Variants in HMGB1 observed in about 807,000 individuals in gnomAD.
The protein encoded by HMGB1 is high mobility group box 1, also known as high mobility group protein B1.
For missense variants in HMGB1, 79 were observed against 253.5 expected (o/e 0.31, Z 4.67); for synonymous variants, 81 against 84.0 (o/e 0.96, Z 0.19).
At chr13:30,586,019 C>T (rs529247161) in intron 1 of HMGB1, among the ~76,000 whole-genome samples, 15 of 152,270 alleles carry the variant, frequency 9.9e-5, no homozygotes, top group Admixed American at 5.2e-4. Flanking sequence ...CCATCAATGA[C>T]GTTCATGCTG....
chr13:30,458,209 G>A lies in HMGB1; in HGVS notation c.*3148C>T, dbSNP rs951304018. The A allele has an allele frequency of 6.6e-6, 1 of 151,966 alleles. No homozygotes were observed. The highest frequency in any genetic ancestry group is 2.4e-5 in the African/African-American group (1 of 41,330). 9.4% of individuals were successfully genotyped at this position (151,966 alleles called of 1,614,324 possible). On this transcript the variant is annotated 3_prime_UTR_variant, in exon 5 of 5. Transcript: ENST00000341423. ...AGACCTAAATGTGAACTTTCATCAA[G>A]GACCTTTTTAGGAGGCGTATTGTAC...
At chr13:30,543,117 GTT>G (rs141061407) in intron 1 of HMGB1, 41,361 of 83,884 alleles carry the variant, frequency 0.49, 11,156 homozygotes, top group Non-Finnish European at 0.57. Context: ...CCTGTTCCAG[GTT>G]TTTTTTTTTT....
At chr13:30,604,161 G>A (rs1950431230) in intron 1 of HMGB1, among the ~76,000 whole-genome samples, 1 of 151,736 alleles carries the variant, frequency 6.6e-6, no homozygotes, top group Non-Finnish European at 1.5e-5. Flanking sequence ...TGGGGGGTGG[G>A]TGGGTCAGGT....
chr13:30,578,288 T>C (rs1870745657), intron 1 of HMGB1, among the ~76,000 whole-genome samples: 2 of 151,492 alleles, frequency 1.3e-5, no homozygotes, highest in Non-Finnish European at 2.9e-5. Context: ...CACTTAACCA[T>C]TATCATACTG....
rs572576052 is a variant in HMGB1 at position 30,569,349 on chromosome 13, T to C, written c.-15+47322A>G. On this transcript the variant is annotated intron_variant, in intron 1 of 4. Coordinates refer to the HMGB1 transcript ENST00000405805. ...TTTCTCATTCCATAACTAGAGATTA[T>C]GTCTTTATATCCTGTCAAAAAAGTG... Among the ~76,000 whole-genome samples the C allele has an allele frequency of 3.9e-5, 6 of 152,366 alleles. No individual in the cohort carries two copies. The East Asian group carries it at 1.2e-3, about 29-fold the overall frequency.
chr13:30,461,599 T>A, intron 4 of HMGB1, 66 bp from the exon 5 acceptor site: 1 of 1,572,616 alleles, frequency 6.4e-7, no homozygotes, highest in East Asian at 2.3e-5. Context: ...AAATAGAACA[T>A]GGCAGAACTT....
At chr13:30,611,733 C>T (rs974866509) in intron 1 of HMGB1, among the ~76,000 whole-genome samples, 1 of 151,804 alleles carries the variant, frequency 6.6e-6, no homozygotes, top group African/African-American at 2.4e-5. Flanking sequence ...TTGTATTCTC[C>T]CTGCATTTAT....
intron 1 of HMGB1, among the ~76,000 whole-genome samples, chr13:30,502,938 G>A (rs866733326): frequency 6.6e-6 from 1 of 152,028 alleles, no homozygotes; most frequent in Non-Finnish European, 1.5e-5. Flanking sequence ...CCAAAGTGCT[G>A]GGATTGCAGG....
At chr13:30,465,319 C>G (rs1886707375) in intron 1 of HMGB1, 1 of 138,142 alleles carries the variant, frequency 7.2e-6, no homozygotes, top group Admixed American at 7.0e-5. Context: ...TGGCCGCGCT[C>G]CCCGCCAGCG....
chr13:30,474,539 A>C (rs1887021308), intron 1 of HMGB1, among the ~76,000 whole-genome samples: 2 of 152,230 alleles, frequency 1.3e-5, no homozygotes, highest in South Asian at 4.1e-4. Flanking sequence ...TAGGACTGAC[A>C]GCGTAAACTG....
At chr13:30,553,978 A>G in intron 1 of HMGB1, 1 of 1,489,320 alleles carries the variant, frequency 6.7e-7, no homozygotes, top group Non-Finnish European at 9.3e-7. Flanking sequence ...ACGGTTTGGC[A>G]GCAGAAGACC....
intron 1 of HMGB1, among the ~76,000 whole-genome samples, chr13:30,615,555 G>T (rs1950552501): frequency 6.6e-6 from 1 of 152,294 alleles, no homozygotes; most frequent in African/African-American, 2.4e-5. Context: ...CCAAGCTTAA[G>T]AAGTTTTTGG....
intron 1 of HMGB1, among the ~76,000 whole-genome samples, chr13:30,581,138 G>T (rs779499428): frequency 6.6e-6 from 1 of 152,082 alleles, no homozygotes; most frequent in Non-Finnish European, 1.5e-5. Flanking sequence ...AGGTCTACCT[G>T]CCTAATACAA....
chr13:30,599,689 G>A (rs140624517), intron 1 of HMGB1, among the ~76,000 whole-genome samples: 1,877 of 152,158 alleles, frequency 0.012, 16 homozygotes, highest in Non-Finnish European at 0.02. Context: ...GTCTCCCCAC[G>A]TATCCAAATT....
At chr13:30,598,899 G>T (rs1023565387) in intron 1 of HMGB1, among the ~76,000 whole-genome samples, 2 of 110,434 alleles carry the variant, frequency 1.8e-5, no homozygotes, top group Non-Finnish European at 3.9e-5. Context: ...ATGTACACAC[G>T]TATATGTATA....
At chr13:30,588,118 G>A (rs1379432534) in intron 1 of HMGB1, among the ~76,000 whole-genome samples, 1 of 152,126 alleles carries the variant, frequency 6.6e-6, no homozygotes, top group African/African-American at 2.4e-5. Flanking sequence ...CATGTGCTCA[G>A]CACTGCCAAA....
At chr13:30,526,635 T>A (rs1888373994) in intron 1 of HMGB1, among the ~76,000 whole-genome samples, 1 of 152,176 alleles carries the variant, frequency 6.6e-6, no homozygotes, top group South Asian at 2.1e-4. Flanking sequence ...GGACATGACG[T>A]CTACGAGGAA....
chr13:30,552,213 C>CATTT (rs1354472784), intron 1 of HMGB1, among the ~76,000 whole-genome samples: 4 of 152,178 alleles, frequency 2.6e-5, no homozygotes, highest in African/African-American at 9.7e-5. Context: ...CATTTTGCTA[C>CATTT]ATTTGTGTTC....
chr13:30,473,455 C>T (rs1886995885), intron 1 of HMGB1, among the ~76,000 whole-genome samples: 1 of 152,158 alleles, frequency 6.6e-6, no homozygotes, highest in South Asian at 2.1e-4. Context: ...GATCTAAGTT[C>T]AGAAAAGATC....
Sources: gnomAD v4.1 joint callset for allele counts (sites outside exome capture counted in the v4.1 genomes callset) on GRCh38, gnomAD v4.1.1 for gene constraint, MANE v1.5 for transcripts, NCBI Gene and HGNC (gene_info 2026-07-23, HGNC 2026-07-21) for gene names.